Variants in TOX observed in about 807,000 individuals in gnomAD.
The protein encoded by TOX is thymocyte selection associated high mobility group box, also known as thymocyte selection-associated high mobility group box protein TOX.
In TOX, 11 loss-of-function variants were observed where a neutral mutation model predicts 53.7. The ratio of observed to expected loss-of-function variants is 0.20; its 90% CI spans 0.13 to 0.34. The LOEUF (loss-of-function observed/expected upper bound fraction) is 0.34. TOX is among the 10% of genes least tolerant of loss of function. TOX has a pLI of 1.00. For synonymous variants in TOX, 225 were observed against 245.3 expected, an observed-to-expected ratio of 0.92 and a Z score of 0.77; for missense variants, 570 against 664.6, an observed-to-expected ratio of 0.86 and a Z score of 1.56.
At position 58,878,858 on chromosome 8, in the gene TOX, C is replaced by G. The variant is rs570027602; in HGVS notation, c.412-27053G>C. 1.4e-3 allele frequency among the ~76,000 whole-genome samples: 215 copies of G among 151,932 alleles called. 1 individual carries two copies. The highest frequency in any genetic ancestry group is 5.4e-3 in the South Asian group (26 of 4,794). On this transcript the variant is annotated intron_variant, in intron 3 of 8. Transcript: ENST00000361421. ...GGCGGATCACCTGAAGTCAGGAGTTCGAGACCAGCCCAGCCAACATGGTGA... is the reference window on the plus strand; with the variant it reads ...GGCGGATCACCTGAAGTCAGGAGTTGGAGACCAGCCCAGCCAACATGGTGA...
intron 1 of TOX, among the ~76,000 whole-genome samples, chr8:58,988,434 A>C (rs1399178906): frequency 1.3e-5 from 2 of 152,176 alleles, no homozygotes; most frequent in African/African-American, 2.4e-5. Context: ...CACATCAACT[A>C]TCTGGCCTGC....
chr8:58,933,312 G>T (rs1812289154), intron 3 of TOX, among the ~76,000 whole-genome samples: 1 of 152,130 alleles, frequency 6.6e-6, no homozygotes, highest in Non-Finnish European at 1.5e-5. Context: ...ATACCAAAGT[G>T]GGGAGAAACA....
At chr8:59,006,970 G>A (rs1027933947) in intron 1 of TOX, among the ~76,000 whole-genome samples, 1 of 152,154 alleles carries the variant, frequency 6.6e-6, no homozygotes, top group African/African-American at 2.4e-5. Flanking sequence ...AAAGAATAAT[G>A]CTGAATGGAG....
At chr8:58,846,680 C>G (rs561645069) in intron 4 of TOX, among the ~76,000 whole-genome samples, 1 of 152,086 alleles carries the variant, frequency 6.6e-6, no homozygotes, top group African/African-American at 2.4e-5. Context: ...AAGGCAAAAA[C>G]GAAGTGAACT....
intron 1 of TOX, among the ~76,000 whole-genome samples, chr8:58,967,294 T>C (rs1434463888): frequency 1.3e-5 from 2 of 152,232 alleles, no homozygotes; most frequent in Non-Finnish European, 2.9e-5. Flanking sequence ...CTAATTTCAC[T>C]AAATATATGA....
At chr8:58,904,383 T>C (rs1223883072) in intron 3 of TOX, among the ~76,000 whole-genome samples, 1 of 152,138 alleles carries the variant, frequency 6.6e-6, no homozygotes, top group African/African-American at 2.4e-5. Context: ...AAATAAATAT[T>C]TGTCGTTAGA....
chr8:58,893,905 A>G (rs187265158), intron 3 of TOX, among the ~76,000 whole-genome samples: 2 of 152,352 alleles, frequency 1.3e-5, no homozygotes, highest in African/African-American at 4.8e-5. Flanking sequence ...GGTGAAAATG[A>G]GAGCTTCCCT....
At chr8:59,023,174 T>C (rs1271394518) in intron 1 of TOX, among the ~76,000 whole-genome samples, 2 of 152,178 alleles carry the variant, frequency 1.3e-5, no homozygotes, top group East Asian at 3.9e-4. Flanking sequence ...TTTGAGCCTA[T>C]AGCTTAGCTT....
chr8:59,087,831 C>G (rs1483057008), intron 1 of TOX, among the ~76,000 whole-genome samples: 1 of 152,156 alleles, frequency 6.6e-6, no homozygotes, highest in Non-Finnish European at 1.5e-5. Flanking sequence ...TAATAAATAG[C>G]CAGGATCTAA....
chr8:58,912,671 C>T lies in TOX; in HGVS notation c.411+26631G>A, dbSNP rs544609341. On this transcript the variant is annotated intron_variant, in intron 3 of 8. Coordinates refer to ENST00000361421, the MANE Select transcript of TOX (RefSeq NM_014729.3). ...GCTGATGCTGCCCCTCTGTGGGCTG[C>T]GCTTTGAGAAACCCCACGGCTCAGG... Among the ~76,000 whole-genome samples the T allele has an allele frequency of 3.5e-4, 54 of 152,296 alleles. No homozygotes were observed. In the East Asian group the frequency reaches 7.5e-3, roughly 21 times the overall value.
intron 3 of TOX, among the ~76,000 whole-genome samples, chr8:58,909,104 G>T (rs1223677031): frequency 6.6e-6 from 1 of 152,156 alleles, no homozygotes; most frequent in Non-Finnish European, 1.5e-5. Context: ...ATTACCTAGG[G>T]AATTTTTTGA....
chr8:58,955,350 C>T (rs1006875596), intron 2 of TOX, among the ~76,000 whole-genome samples: 3 of 151,272 alleles, frequency 2.0e-5, no homozygotes, highest in Admixed American at 6.6e-5. Flanking sequence ...TAAGGGATAA[C>T]CGTTCACGGA....
rs1810158642 is a variant in TOX at position 58,815,467 on chromosome 8, G to A, written c.1263C>T (p.Leu421=). The change falls in exon 7 of 9, where the codon CTC becomes CTT. Residue 421 remains leucine (L), a synonymous_variant. Coordinates refer to ENST00000361421, the MANE Select transcript of TOX (RefSeq NM_014729.3). The part of the protein sequence containing the change: ...ANMAVSPPPP[L]QISPPLHQHL... ...GCTGGTGAAGAGGCGGGCTGATCTG[G>A]AGGGGAGGAGGAGGGGACACAGCCA... 1 of 1,613,990 alleles carries A rather than the reference G, an allele frequency of 6.2e-7. No homozygotes were observed. Among genetic ancestry groups the A allele is most frequent in the South Asian group, 1.1e-5 (1 of 91,074 alleles).
chr8:59,021,110 A>AAC (rs1814119546), intron 1 of TOX, among the ~76,000 whole-genome samples: 1 of 149,096 alleles, frequency 6.7e-6, no homozygotes, highest in South Asian at 2.1e-4. Flanking sequence ...CCCTGTCTCA[A>AAC]AAAAAAAAAA....
At chr8:59,049,352 C>G (rs1803747229) in intron 1 of TOX, among the ~76,000 whole-genome samples, 1 of 151,914 alleles carries the variant, frequency 6.6e-6, no homozygotes, top group Non-Finnish European at 1.5e-5. Context: ...TCACAAAGAC[C>G]CTAAAGTTTT....
chr8:59,088,137 T>C (rs1214472438), intron 1 of TOX, among the ~76,000 whole-genome samples: 1 of 152,202 alleles, frequency 6.6e-6, no homozygotes, highest in Non-Finnish European at 1.5e-5. Context: ...TTACTACTTC[T>C]CAGAAGGTCA....
chr8:58,808,891 G>T (rs972813113), intron 7 of TOX, among the ~76,000 whole-genome samples: 3 of 152,180 alleles, frequency 2.0e-5, no homozygotes, highest in African/African-American at 7.2e-5. Context: ...TGGAAAACAC[G>T]GGGAGGGAAA....
At chr8:59,070,927 T>C (rs1804188623) in intron 1 of TOX, among the ~76,000 whole-genome samples, 1 of 152,118 alleles carries the variant, frequency 6.6e-6, no homozygotes, top group Non-Finnish European at 1.5e-5. Context: ...AATAAACCCC[T>C]GTACGATAGA....
At position 59,042,000 on chromosome 8, in the gene TOX, G is replaced by A. The variant is rs532868039; in HGVS notation, c.102+76886C>T. Among the ~76,000 whole-genome samples, 4 of 152,216 alleles carry A rather than the reference G, an allele frequency of 2.6e-5. No individual in the cohort carries two copies. The South Asian group carries it at 8.3e-4, about 32-fold the overall frequency. ...TCCTTAAAATATTGCCAGATCAAAT[G>A]CAACTGAAAAGAAAATTCTCCCTAG... On this transcript the variant is annotated intron_variant, in intron 1 of 8. Transcript: ENST00000361421.
Sources: allele counts gnomAD v4.1 joint callset (sites outside exome capture counted in the v4.1 genomes callset), GRCh38; gene constraint gnomAD v4.1.1; transcripts MANE v1.5; gene names NCBI Gene and HGNC (gene_info 2026-07-23, HGNC 2026-07-21).